Variants in SOAT2 observed in about 807,000 individuals in gnomAD.
SOAT2 encodes the protein sterol O-acyltransferase 2, also known as ACAT-2.
SOAT2 carries 87 observed loss-of-function variants against 76.0 expected under a neutral mutation model. That is an observed-to-expected ratio of 1.14 (90% CI 0.96 to 1.37). The LOEUF is 1.37. Ranked by LOEUF, SOAT2 falls within the 40% of genes most tolerant of loss-of-function variation. The probability of loss-of-function intolerance (pLI) is 0.00; values close to 1 mark genes in which losing one functional copy is unlikely to be tolerated. For synonymous variants in SOAT2, 285 were observed against 275.4 expected, an observed-to-expected ratio of 1.03 and a Z score of -0.34; for missense variants, 686 against 682.1, an observed-to-expected ratio of 1.01 and a Z score of -0.06.
At chr12:53,109,759 G>A (rs146999541) in intron 5 of SOAT2, among the ~76,000 whole-genome samples, 44 of 152,244 alleles carry the variant, frequency 2.9e-4, no homozygotes, top group African/African-American at 9.9e-4. Context: ...AAAGTGCTGG[G>A]ATCATAGGTG....
intron 2 of SOAT2, among the ~76,000 whole-genome samples, chr12:53,104,695 C>T (rs11170410): frequency 0.029 from 4,403 of 152,182 alleles, 205 homozygotes; most frequent in African/African-American, 0.1. Context: ...CCTGCTAGTG[C>T]GGCTGGAGGC....
intron 10 of SOAT2, among the ~76,000 whole-genome samples, 170 bp from the exon 11 acceptor site, chr12:53,120,616 C>T (rs1938176099): frequency 7.1e-6 from 1 of 139,928 alleles, no homozygotes; most frequent in Non-Finnish European, 1.5e-5. Context: ...TCCAGCCTGT[C>T]TCAAAAAAAA....
At chr12:53,123,963 A>G in intron 14 of SOAT2, 90 bp downstream of exon 14, 1 of 1,602,798 alleles carries the variant, frequency 6.2e-7, no homozygotes, top group South Asian at 1.1e-5. Context: ...CTCACCGGCC[A>G]CAGTCAGGCA....
rs542135167 is a variant in SOAT2, at chr12:53,111,117, T to C, written c.444-4273T>C. 7.3e-4 allele frequency among the ~76,000 whole-genome samples: 111 copies of C among 151,966 alleles called. 1 individual carries two copies. In the South Asian group the frequency reaches 0.015, roughly 20 times the overall value. ...TATTTTAATCATTTGCCTACATTTTTTTTTTTGAGATGGAGTCTCACTCTG... is the reference window on the plus strand; with the variant it reads ...TATTTTAATCATTTGCCTACATTTTCTTTTTTGAGATGGAGTCTCACTCTG... On this transcript the variant is annotated intron_variant, in intron 5 of 14. Coordinates refer to ENST00000301466, the MANE Select transcript of SOAT2 (RefSeq NM_003578.4).
At chr12:53,109,493 C>A (rs1471193147) in intron 5 of SOAT2, among the ~76,000 whole-genome samples, 2 of 151,316 alleles carry the variant, frequency 1.3e-5, no homozygotes, top group South Asian at 2.1e-4. Context: ...TATTTATTTT[C>A]TTTTTTGAGA....
intron 7 of SOAT2, among the ~76,000 whole-genome samples, chr12:53,116,644 G>A (rs1449458290): frequency 6.6e-6 from 1 of 152,104 alleles, no homozygotes; most frequent in South Asian, 2.1e-4. Flanking sequence ...CAGGAGGATC[G>A]TTTGAGCCCA....
At chr12:53,111,162 G>A (rs1487030369) in intron 5 of SOAT2, among the ~76,000 whole-genome samples, 1 of 151,072 alleles carries the variant, frequency 6.6e-6, no homozygotes, top group Non-Finnish European at 1.5e-5. Context: ...CTGGAGTGCA[G>A]TGGCGTGATC....
intron 5 of SOAT2, among the ~76,000 whole-genome samples, chr12:53,107,622 C>CT (rs1303838303): frequency 0.013 from 1,492 of 117,030 alleles, 132 homozygotes; most frequent in African/African-American, 0.038. Flanking sequence ...AACAGATGTA[C>CT]TTTTTTTTTT....
chr12:53,117,795 C>G (rs566074494), intron 7 of SOAT2, among the ~76,000 whole-genome samples: 2 of 152,150 alleles, frequency 1.3e-5, no homozygotes, highest in Non-Finnish European at 2.9e-5. Context: ...CCCACACCCC[C>G]TCCAGGCCCT....
intron 5 of SOAT2, among the ~76,000 whole-genome samples, chr12:53,113,516 C>G (rs146114756): frequency 1.6e-4 from 24 of 152,308 alleles, no homozygotes; most frequent in Admixed American, 4.6e-4. Context: ...CCATCCCGGT[C>G]TCTCCTGGCT....
chr12:53,118,568 G>A, intron 8 of SOAT2, 134 bp downstream of exon 8: 1 of 699,358 alleles, frequency 1.4e-6, no homozygotes, highest in Non-Finnish European at 2.5e-6. Flanking sequence ...TAATAAAGAT[G>A]GGAAATAGGT....
At chr12:53,119,774 C>A (rs975832676) in intron 10 of SOAT2, among the ~76,000 whole-genome samples, 15 of 152,302 alleles carry the variant, frequency 9.8e-5, no homozygotes, top group African/African-American at 3.6e-4. Context: ...TGAGATGCCC[C>A]CTCCTGTGGG....
At chr12:53,111,112 A>ATTTTTTTT (rs1015051525) in intron 5 of SOAT2, among the ~76,000 whole-genome samples, 8,985 of 142,936 alleles carry the variant, frequency 0.063, 841 homozygotes, top group African/African-American at 0.19. Flanking sequence ...ATTTGCCTAC[A>ATTTTTTTT]TTTTTTTTTT....
In SOAT2 at chr12:53,105,746, G is replaced by A. The variant is rs1353571432; in HGVS notation, c.335+126G>A. ...AGAGGACTTGGAAAGGGTTTCTAAG[G>A]TGCAGGTCCCCTATTTGCCCTAGGC... On this transcript the variant is annotated intron_variant, in intron 4 of 14. Transcript: ENST00000301466. The A allele has an allele frequency of 4.9e-6, 5 of 1,025,408 alleles. No homozygotes were observed. In the East Asian group the frequency reaches 1.3e-4, roughly 27 times the overall value. 63.5% of individuals were successfully genotyped at this position (1,025,408 alleles called of 1,614,324 possible). A position where few individuals can be genotyped will look rare whatever the true frequency, so the allele number is the denominator to read the frequency against.
At chr12:53,107,735 A>G (rs148637678) in intron 5 of SOAT2, among the ~76,000 whole-genome samples, 1 of 150,818 alleles carries the variant, frequency 6.6e-6, no homozygotes, top group East Asian at 2.0e-4. Flanking sequence ...CGAATCTCCA[A>G]CCTCAGCCTC....
Position 53,112,801 on chromosome 12 carries a change from G to A in SOAT2, c.444-2589G>A, listed in dbSNP as rs928882758. 4.9e-4 allele frequency among the ~76,000 whole-genome samples: 44 copies of A among 90,404 alleles called. 1 individual carries two copies. Among genetic ancestry groups the A allele is most frequent in the Admixed American group, 4.6e-3 (35 of 7,644 alleles). The allele number at this position is 90,404 out of a possible 152,430, so 59.3% of individuals were successfully genotyped here. ...TTCCTTTTTTTTTTTTTTTTTTTAAGACAGAGTCTTGCTCTGTCGCCCAGG... is the reference window on the plus strand; with the variant it reads ...TTCCTTTTTTTTTTTTTTTTTTTAAAACAGAGTCTTGCTCTGTCGCCCAGG... On this transcript the variant is annotated intron_variant, in intron 5 of 14. Coordinates refer to ENST00000301466, the MANE Select transcript of SOAT2 (RefSeq NM_003578.4).
rs1400296292 is a variant in SOAT2, at chr12:53,118,941, A to C, written c.909+6A>C. The C allele has an allele frequency of 1.9e-6, 3 of 1,613,786 alleles. No individual in the cohort carries two copies. The highest frequency in any genetic ancestry group is 2.5e-6 in the Non-Finnish European group (3 of 1,179,960). ...TGGCCAAGAACTTTGCCCAGGTGAG[A>C]AGATAGGGTAGAAGGGTGGACCTGT... On this transcript the variant is annotated splice_donor_region_variant and intron_variant, in intron 9 of 14. Transcript: ENST00000301466.
Position 53,118,210 on chromosome 12 carries a change from A to G in SOAT2, c.779-140A>G. On this transcript the variant is annotated intron_variant, in intron 7 of 14. Transcript: ENST00000301466. Reference sequence around the variant, plus strand: ...CTCCCCTAGCCCGCATCCAGGTCCTACGTCCAGCTCCTTGCTTATCCCCCA... The same window carrying G: ...CTCCCCTAGCCCGCATCCAGGTCCTGCGTCCAGCTCCTTGCTTATCCCCCA... 1.4e-5 allele frequency: 9 copies of G among 624,198 alleles called. No homozygotes were observed. In the South Asian group the frequency reaches 1.7e-4, roughly 12 times the overall value. The allele number at this position is 624,198 out of a possible 1,614,324, so 38.7% of individuals were successfully genotyped here. A position where few individuals can be genotyped will look rare whatever the true frequency, so the allele number is the denominator to read the frequency against.
rs756556729 is a variant in SOAT2 at position 53,115,515 on chromosome 12, G to C, written c.569G>C (p.Arg190Thr). 18 of 1,606,604 alleles carry C rather than the reference G, an allele frequency of 1.1e-5. No homozygotes were observed. In the South Asian group the frequency reaches 2.0e-4, roughly 18 times the overall value. ...APYQALRLWA[R>T]GTWTQATGLG... Reference sequence around the variant, plus strand: ...TACCAGGCCCTACGGCTGTGGGCCAGGGGCACCTGGACGCAGGCGACGGGC... The same window carrying C: ...TACCAGGCCCTACGGCTGTGGGCCACGGGCACCTGGACGCAGGCGACGGGC... Residue 190 changes from arginine (R) to threonine (T), a missense_variant, in exon 6 of 15, where the codon AGG becomes ACG. Physicochemically the swap from Arg to Thr is moderately conservative, Grantham distance 71. Coordinates refer to ENST00000301466, the MANE Select transcript of SOAT2 (RefSeq NM_003578.4).
Sources: gnomAD v4.1 joint callset for allele counts (sites outside exome capture counted in the v4.1 genomes callset) on GRCh38, gnomAD v4.1.1 for gene constraint, MANE v1.5 for transcripts, NCBI Gene and HGNC (gene_info 2026-07-23, HGNC 2026-07-21) for gene names.